TDRKH: variants seen among roughly 807,000 people sequenced by gnomAD.
TDRKH encodes tudor and KH domain containing.
TDRKH carries 28 observed loss-of-function variants against 61.3 expected under a neutral mutation model. That is an observed-to-expected ratio of 0.46 (90% CI 0.34 to 0.63). TDRKH has a LOEUF of 0.63. TDRKH is among the 20% of genes least tolerant of loss of function. The pLI is 0.01. For synonymous variants in TDRKH, 219 were observed against 244.4 expected (o/e 0.90, Z 0.97); for missense variants, 540 against 683.4 (o/e 0.79, Z 2.34).
chr1:151,772,549 T>C (rs1260539696), downstream of TDRKH, among the ~76,000 whole-genome samples: 1 of 152,202 alleles, frequency 6.6e-6, no homozygotes, highest in Non-Finnish European at 1.5e-5. Flanking sequence ...TTTTCTAGTT[T>C]ATCTTGCTTT....
At chr1:151,768,274 G>T (rs756005418), downstream of TDRKH, 1 of 1,575,350 alleles carries the variant, frequency 6.3e-7, no homozygotes, top group East Asian at 2.3e-5. Flanking sequence ...GGAATAGGTA[G>T]GGGATTTCAC....
downstream of TDRKH, chr1:151,771,545 T>C: frequency 2.8e-6 from 1 of 354,530 alleles, no homozygotes; most frequent in Non-Finnish European, 4.9e-6. Flanking sequence ...GTGAACTTCC[T>C]AGTTCAGAAA....
In TDRKH at chr1:151,779,247, A is replaced by G; in HGVS notation, c.422-5T>C. 3 of 1,612,860 alleles carry G rather than the reference A, an allele frequency of 1.9e-6. No homozygotes were observed. Among genetic ancestry groups the G allele is most frequent in the Non-Finnish European group, 2.5e-6 (3 of 1,179,698 alleles). On this transcript the variant is annotated splice_region_variant and splice_polypyrimidine_tract_variant and intron_variant, in intron 4 of 12. Transcript: ENST00000368824. ...GAATTGTCTCGCCGCCTCTCCCTAC[A>G]TTAAACAATATATAAAAACCTGCCC...
At chr1:151,766,858 G>T (rs141059076), downstream of TDRKH, 1 of 1,612,576 alleles carries the variant, frequency 6.2e-7, no homozygotes, top group Non-Finnish European at 8.5e-7. Context: ...ATCACTCTCC[G>T]GGAGAAGATG....
chr1:151,778,500 C>T, intron 6 of TDRKH, 185 bp downstream of exon 6: 1 of 1,547,984 alleles, frequency 6.5e-7, no homozygotes, highest in East Asian at 2.2e-5. Context: ...TCAAACTGTC[C>T]AGCAACTGTT....
intron 4 of TDRKH, among the ~76,000 whole-genome samples, chr1:151,779,510 A>G (rs1649536234): frequency 1.3e-5 from 2 of 152,200 alleles, no homozygotes; most frequent in Non-Finnish European, 2.9e-5. Context: ...CAGCATGGCC[A>G]TATCAGGTCA....
At position 151,776,450 on chromosome 1, in the gene TDRKH, C is replaced by T. The variant is rs2101585501; in HGVS notation, c.1033G>A (p.Glu345Lys). 4 of 1,614,200 alleles carry T rather than the reference C, an allele frequency of 2.5e-6. No homozygotes were observed. The highest frequency in any genetic ancestry group is 3.4e-6 in the Non-Finnish European group (4 of 1,180,028). Reference protein sequence around the residue: ...KLVNEMTQHYENSVPEDLTVH... With the variant: ...KLVNEMTQHYKNSVPEDLTVH... The stretch of plus-strand genomic sequence containing the variant: ...CTATGGCAACTCACCACACTATTCT[C>T]ATAGTGCTGGGTCATCTCATTGACA... Residue 345 changes from glutamate (E) to lysine (K), a missense_variant, in exon 7 of 13, where the codon GAG (glutamate) becomes AAG (lysine). Transcript: ENST00000368824.
At chr1:151,774,894 G>A in intron 11 of TDRKH, 88 bp from the exon 12 acceptor site, 1 of 1,478,524 alleles carries the variant, frequency 6.8e-7, no homozygotes, top group Non-Finnish European at 9.4e-7. Context: ...ATAGGACCTG[G>A]TTAAGGCAGT....
chr1:151,782,574 T>C (rs1649934738), intron 2 of TDRKH, among the ~76,000 whole-genome samples: 1 of 152,044 alleles, frequency 6.6e-6, no homozygotes, highest in Non-Finnish European at 1.5e-5. Context: ...GGCAGGTGGG[T>C]TGCTTGAGCT....
intron 1 of TDRKH, among the ~76,000 whole-genome samples, chr1:151,787,808 CAAAAAAAAAAAAAAA>C (rs71093211): frequency 9.9e-5 from 5 of 50,572 alleles, no homozygotes; most frequent in African/African-American, 2.2e-4. Flanking sequence ...TCTGTTTCTA[CAAAAAAAAAAAAAAA>C]AAAAAAAAAA....
intron 1 of TDRKH, 108 bp from the exon 2 acceptor site, chr1:151,783,157 T>C: frequency 2.0e-6 from 2 of 1,001,300 alleles, no homozygotes; most frequent in Non-Finnish European, 2.8e-6. Flanking sequence ...ACTGCCTACC[T>C]TCCAATTTCA....
chr1:151,767,178 A>AGAG, downstream of TDRKH: 2 of 1,613,964 alleles, frequency 1.2e-6, no homozygotes, highest in Non-Finnish European at 1.7e-6. Context: ...CTTATAAGGA[A>AGAG]GAGGAGGACT....
At chr1:151,768,191 T>C (rs773937297), downstream of TDRKH, 46 of 1,613,726 alleles carry the variant, frequency 2.9e-5, no homozygotes, top group Non-Finnish European at 3.5e-5. Flanking sequence ...CGACTCTTCC[T>C]GGATATCCCA....
intron 2 of TDRKH, 27 bp from the exon 3 acceptor site, chr1:151,781,614 A>T: frequency 6.2e-7 from 1 of 1,603,920 alleles, no homozygotes; most frequent in Non-Finnish European, 8.5e-7. Context: ...TCATCAGATC[A>T]GACTTAGATA....
intron 1 of TDRKH, chr1:151,783,251 T>TA (rs1470734524): frequency 2.3e-5 from 7 of 307,980 alleles, no homozygotes; most frequent in Non-Finnish European, 3.5e-5. Context: ...CACATAGAAT[T>TA]AAATAGAAGC....
chr1:151,772,029 A>G (rs1476501352), downstream of TDRKH: 1 of 398,480 alleles, frequency 2.5e-6, no homozygotes, highest in African/African-American at 2.1e-5. Flanking sequence ...GATTCCTCCA[A>G]GAGTACCTGA....
rs149192249 is a variant in TDRKH at position 151,775,082 on chromosome 1, C to T, written c.1519G>A (p.Asp507Asn). The change falls in exon 11 of 13, where the codon GAC becomes AAC. Residue 507 changes from aspartate (D) to asparagine (N), a missense_variant. Coordinates refer to ENST00000368824, the MANE Select transcript of TDRKH (RefSeq NM_001083965.2). ...EDIEENRAVP[D>N]MLKDMATETD... ...TAGCTCACCATGTCCTTCAACATGT[C>T]TGGGACAGCTCTGTTTTCTTCTATG... 450 of 1,614,182 alleles carry T rather than the reference C, an allele frequency of 2.8e-4. 6 individuals are homozygous for T. The East Asian group carries it at 8.6e-3, about 31-fold the overall frequency.
At chr1:151,784,341 C>T (rs923543290) in intron 1 of TDRKH, among the ~76,000 whole-genome samples, 3 of 152,154 alleles carry the variant, frequency 2.0e-5, no homozygotes, top group African/African-American at 7.2e-5. Flanking sequence ...TAAAGAAAAC[C>T]CTTCCTGGAT....
chr1:151,779,529 T>C (rs1039012796), intron 4 of TDRKH, among the ~76,000 whole-genome samples: 1 of 152,208 alleles, frequency 6.6e-6, no homozygotes. Flanking sequence ...CACAAGAAGA[T>C]ATGCTACATA....
Sources: gnomAD v4.1 joint callset for allele counts (sites outside exome capture counted in the v4.1 genomes callset) on GRCh38, gnomAD v4.1.1 for gene constraint, MANE v1.5 for transcripts, NCBI Gene and HGNC (gene_info 2026-07-23, HGNC 2026-07-21) for gene names.